The following CCNB3 variants were observed in gnomAD, a reference collection of about 807,000 sequenced individuals.
The protein encoded by CCNB3 is G2/mitotic-specific cyclin-B3.
In CCNB3, 12 loss-of-function variants were observed where a neutral mutation model predicts 68.0. The observed-to-expected ratio is 0.18, with a 90% CI of 0.11 to 0.29. The LOEUF is 0.29. CCNB3 is among the 10% of genes least tolerant of loss of function. The probability of loss-of-function intolerance (pLI) is 1.00; values close to 1 mark genes in which losing one functional copy is unlikely to be tolerated. For synonymous variants in CCNB3, 354 were observed against 388.9 expected, an observed-to-expected ratio of 0.91 and a Z score of 1.06; for missense variants, 904 against 993.1, an observed-to-expected ratio of 0.91 and a Z score of 1.21.
chrX:50,340,991 A>G (rs1356017856), intron 8 of CCNB3, among the ~76,000 whole-genome samples: 3 of 111,898 alleles, frequency 2.7e-5, no homozygotes, highest in Admixed American at 9.5e-5. Flanking sequence ...ATAAAACAAA[A>G]GTGGTACTAA....
At chrX:50,217,562 G>A (rs1935598720) in intron 1 of CCNB3, among the ~76,000 whole-genome samples, 1 of 110,758 alleles carries the variant, frequency 9.0e-6, no homozygotes, top group South Asian at 3.8e-4. Flanking sequence ...ATGAGCCACC[G>A]CACCCGGCCA....
intron 8 of CCNB3, 103 bp from the exon 9 acceptor site, chrX:50,342,099 G>T: frequency 1.0e-6 from 1 of 960,301 alleles, no homozygotes; most frequent in Non-Finnish European, 1.5e-6. Context: ...AGCTAGTCAG[G>T]ACTGTTCTTG....
chrX:50,205,465 A>G (rs1273808227), intron 1 of CCNB3, among the ~76,000 whole-genome samples: 1 of 110,137 alleles, frequency 9.1e-6, no homozygotes, highest in Non-Finnish European at 1.9e-5. Flanking sequence ...ACTTAAATAT[A>G]CAGTTACTTG....
In CCNB3 at chrX:50,311,404, G is replaced by A. The variant is rs781908510; in HGVS notation, c.3235G>A (p.Val1079Met). 8.3e-6 allele frequency: 10 copies of A among 1,208,395 alleles called. No homozygotes were observed. Among genetic ancestry groups the A allele is most frequent in the South Asian group, 5.3e-5 (3 of 56,619 alleles). The stretch of plus-strand genomic sequence containing the variant: ...GTCCAGCATTGCAACCATGACCAGC[G>A]TGGGCAAGTCCAGGACCACCACCGA... ...EKSSIATMTS[V>M]GKSRTTTESS... The change falls in exon 6 of 13, where the codon GTG becomes ATG. Residue 1079 changes from valine (V) to methionine (M), a missense_variant. Physicochemically the swap from Val to Met is conservative, Grantham distance 21. This residue lies in a region of CCNB3 where 285 missense variants were observed against 383.4 expected (regional missense o/e 0.74). Coordinates refer to ENST00000376042, the MANE Select transcript of CCNB3 (RefSeq NM_033031.3).
intron 5 of CCNB3, among the ~76,000 whole-genome samples, chrX:50,304,426 G>T (rs1557213172): frequency 9.0e-6 from 1 of 111,651 alleles, no homozygotes; most frequent in Non-Finnish European, 1.9e-5. Context: ...TTAATAAATG[G>T]TGCTGGGAAA....
At chrX:50,227,623 T>A (rs917882176) in intron 1 of CCNB3, among the ~76,000 whole-genome samples, 1 of 76,221 alleles carries the variant, frequency 1.3e-5, no homozygotes, top group Non-Finnish European at 2.4e-5. Context: ...TAAATATATA[T>A]AGAGAGAATA....
chrX:50,341,164 A>C (rs1262574962), intron 8 of CCNB3, among the ~76,000 whole-genome samples: 1 of 109,197 alleles, frequency 9.2e-6, no homozygotes, highest in Non-Finnish European at 1.9e-5. Flanking sequence ...CCCCGTCTCT[A>C]CTAAAAATAC....
chrX:50,228,670 A>G (rs1430978189), intron 1 of CCNB3, among the ~76,000 whole-genome samples: 1 of 78,860 alleles, frequency 1.3e-5, no homozygotes, highest in Non-Finnish European at 2.3e-5. Flanking sequence ...GAATATATAT[A>G]GAATATATAT....
intron 5 of CCNB3, among the ~76,000 whole-genome samples, chrX:50,298,045 G>A (rs1484488203): frequency 1.8e-5 from 2 of 111,559 alleles, no homozygotes; most frequent in Non-Finnish European, 3.8e-5. Flanking sequence ...AGACAATGGG[G>A]TTTTCTAGAT....
In CCNB3 at chrX:50,325,110, TTAA is replaced by T. The variant is rs1218612636; in HGVS notation, c.3516+11167_3516+11169del. ...CAATGATCATTATATCAATTTTGGC[TTAA>T]TAATTATATAATTTATATGCTAATT... On this transcript the variant is annotated intron_variant, in intron 8 of 12. Transcript: ENST00000376042. Among the ~76,000 whole-genome samples, 19 of 111,386 alleles carry T rather than the reference TTAA, an allele frequency of 1.7e-4. No homozygotes were observed. The South Asian group carries it at 4.9e-3, about 29-fold the overall frequency.
At chrX:50,329,807 T>C (rs1922503024) in intron 8 of CCNB3, among the ~76,000 whole-genome samples, 1 of 112,375 alleles carries the variant, frequency 8.9e-6, no homozygotes, top group Non-Finnish European at 1.9e-5. Context: ...TCCAAACTTC[T>C]GCACTCTGCT....
At position 50,309,096 on chromosome X, in the gene CCNB3, C is replaced by A; in HGVS notation, c.927C>A (p.Ile309=). The part of the protein sequence containing the change: ...FRKPPVLQTT[I]CGAMSSIKKP... ...AGCCACCAGTATTGCAGACAACCATCTGTGGAGCAATGTCCTCCATTAAGA... is the reference window on the plus strand; with the variant it reads ...AGCCACCAGTATTGCAGACAACCATATGTGGAGCAATGTCCTCCATTAAGA... The change falls in exon 6 of 13, where the codon ATC becomes ATA. Residue 309 remains isoleucine, a synonymous_variant. Coordinates refer to ENST00000376042, the MANE Select transcript of CCNB3 (RefSeq NM_033031.3). 2 of 1,209,182 alleles carry A rather than the reference C, an allele frequency of 1.7e-6. No individual in the cohort carries two copies. Among genetic ancestry groups the A allele is most frequent in the Middle Eastern group, 2.3e-4 (1 of 4,348 alleles).
chrX:50,342,170 T>C, intron 8 of CCNB3, 32 bp from the exon 9 acceptor site: 1 of 1,209,258 alleles, frequency 8.3e-7, no homozygotes, highest in Non-Finnish European at 1.1e-6. Flanking sequence ...CTGGACAATA[T>C]GCAGATCTGT....
At chrX:50,305,768 C>T (rs1173204076) in intron 5 of CCNB3, among the ~76,000 whole-genome samples, 968 of 84,248 alleles carry the variant, frequency 0.011, 7 homozygotes, top group Non-Finnish European at 0.018. Flanking sequence ...GTTTTTTTTT[C>T]TTTCTTTCTT....
chrX:50,203,617 C>A (rs1557205078), upstream of CCNB3, among the ~76,000 whole-genome samples: 20 of 112,284 alleles, frequency 1.8e-4, no homozygotes, highest in Non-Finnish European at 5.6e-5. Flanking sequence ...GGCAGTGGAA[C>A]TGTATAATTA....
intron 1 of CCNB3, among the ~76,000 whole-genome samples, chrX:50,211,393 G>A (rs1205221860): frequency 3.6e-5 from 4 of 112,014 alleles, no homozygotes; most frequent in African/African-American, 9.7e-5. Flanking sequence ...GCCGGGTGCG[G>A]TGGCTCACAC....
chrX:50,228,090 T>C (rs1429513887), intron 1 of CCNB3, among the ~76,000 whole-genome samples: 1 of 84,882 alleles, frequency 1.2e-5, no homozygotes, highest in Non-Finnish European at 2.2e-5. Context: ...ATTTAGAGAA[T>C]ATATATAATA....
chrX:50,209,512 C>T (rs1361401308), intron 1 of CCNB3, among the ~76,000 whole-genome samples: 3 of 110,984 alleles, frequency 2.7e-5, no homozygotes, highest in Admixed American at 1.9e-4. Context: ...CCCGCCACTA[C>T]GCCTGGCTAA....
chrX:50,328,124 T>C (rs1235913925), intron 8 of CCNB3, among the ~76,000 whole-genome samples: 1 of 112,187 alleles, frequency 8.9e-6, no homozygotes, highest in African/African-American at 3.2e-5. Context: ...ACCTTGATTT[T>C]TAACCCAGTG....
Sources: gnomAD v4.1 joint callset for allele counts (sites outside exome capture counted in the v4.1 genomes callset) on GRCh38, gnomAD v4.1.1 for gene constraint, gnomAD v4.1.1 regional missense constraint, MANE v1.5 for transcripts, NCBI Gene and HGNC (gene_info 2026-07-23, HGNC 2026-07-21) for gene names.